GAS7: variants seen among roughly 807,000 people sequenced by gnomAD.
GAS7 encodes growth arrest specific 7.
In GAS7, 28 loss-of-function variants were observed where a neutral mutation model predicts 71.1. That is an observed-to-expected ratio of 0.39 (90% CI 0.29 to 0.54). The LOEUF is 0.54. Ranked by LOEUF, GAS7 falls within the 20% of genes least tolerant of loss-of-function variation. GAS7 has a pLI of 0.62. For missense variants in GAS7, 436 were observed against 627.8 expected (o/e 0.69, Z 3.27); for synonymous variants, 258 against 245.8 (o/e 1.05, Z -0.46).
chr17:9,965,014 A>G (rs1230403625), intron 4 of GAS7, among the ~76,000 whole-genome samples: 5 of 152,068 alleles, frequency 3.3e-5, no homozygotes, highest in Non-Finnish European at 7.4e-5. Flanking sequence ...GAAGTTCGTG[A>G]GAAGCCAGAA....
intron 1 of GAS7, among the ~76,000 whole-genome samples, chr17:10,179,581 T>C (rs1390351698): frequency 1.3e-5 from 2 of 152,142 alleles, no homozygotes; most frequent in South Asian, 2.1e-4. Context: ...ACTGAGACTA[T>C]GAACATGAAT....
chr17:10,180,952 C>T (rs958985144), intron 1 of GAS7, among the ~76,000 whole-genome samples: 1 of 151,542 alleles, frequency 6.6e-6, no homozygotes, highest in Admixed American at 6.6e-5. Context: ...GAGACCCAAT[C>T]CTTGAGCTCA....
intron 2 of GAS7, among the ~76,000 whole-genome samples, chr17:9,990,111 T>C (rs1044722706): frequency 2.6e-5 from 4 of 151,736 alleles, no homozygotes; most frequent in African/African-American, 7.3e-5. Context: ...CTACTAAAAA[T>C]ACAAAAAATT....
At chr17:10,047,627 A>T (rs2072998411) in intron 1 of GAS7, among the ~76,000 whole-genome samples, 1 of 152,236 alleles carries the variant, frequency 6.6e-6, no homozygotes. Flanking sequence ...AAACTGTCAG[A>T]ATGTAAGAAG....
At chr17:9,950,582 G>A (rs566708952) in intron 5 of GAS7, among the ~76,000 whole-genome samples, 9 of 152,198 alleles carry the variant, frequency 5.9e-5, no homozygotes, top group South Asian at 2.1e-4. Flanking sequence ...TTGTGGCAGC[G>A]TGTGGTGGCT....
At chr17:9,997,759 C>G (rs530182121) in intron 2 of GAS7, among the ~76,000 whole-genome samples, 4 of 152,384 alleles carry the variant, frequency 2.6e-5, no homozygotes, top group Admixed American at 6.5e-5. Context: ...ACTCCCTCCA[C>G]GGGTTCGATT....
chr17:10,171,816 TTGA>T (rs1408764342), intron 1 of GAS7, among the ~76,000 whole-genome samples: 1 of 152,176 alleles, frequency 6.6e-6, no homozygotes, highest in Non-Finnish European at 1.5e-5. Flanking sequence ...CGCCAGGCTG[TTGA>T]TAAGATTACA....
rs1323378852 is a variant in GAS7 at position 9,974,363 on chromosome 17, GTCCTGGGGGCTCCCGGCTC to G, written c.386-4620_386-4602del. On this transcript the variant is annotated intron_variant, in intron 3 of 13. Coordinates refer to ENST00000432992, the MANE Select transcript of GAS7 (RefSeq NM_201433.2). This position sits in a 1 kb window ranked among gnomAD's most constrained non-coding sequence, Gnocchi z 4.0. ...ACGGCATTCCTCATTGCTATTCCCT[GTCCTGGGGGCTCCCGGCTC>G]ACCCAGGGTCAGCCACAAAACAAAT... Among the ~76,000 whole-genome samples, 2 of 152,056 alleles carry G rather than the reference GTCCTGGGGGCTCCCGGCTC, an allele frequency of 1.3e-5. No homozygotes were observed. Among genetic ancestry groups the G allele is most frequent in the East Asian group, 3.9e-4 (2 of 5,186 alleles).
chr17:10,109,730 C>T (rs1352731063), intron 1 of GAS7, among the ~76,000 whole-genome samples: 1 of 152,096 alleles, frequency 6.6e-6, no homozygotes, highest in African/African-American at 2.4e-5. Flanking sequence ...ACCAGCCTGG[C>T]CAACATAGCA....
Position 10,115,242 on chromosome 17 carries a change from T to C in GAS7, c.183+82966A>G, listed in dbSNP as rs1476747779. ...AGAGCCTGGGCTGTTGCACAAGAGC[T>C]GAGTGAGTCACCAGCCAGCAGAGGG... On this transcript the variant is annotated intron_variant, in intron 1 of 13. Transcript: ENST00000432992. 2.0e-5 allele frequency among the ~76,000 whole-genome samples: 3 copies of C among 152,316 alleles called. No homozygotes were observed. The East Asian group carries it at 5.8e-4, about 29-fold the overall frequency.
chr17:10,009,277 C>G (rs1184528383), intron 2 of GAS7, among the ~76,000 whole-genome samples: 1 of 146,292 alleles, frequency 6.8e-6, no homozygotes, highest in Admixed American at 6.8e-5. Flanking sequence ...GCCGAGATCC[C>G]GCCACTGCAC....
chr17:9,963,137 ATTC>A (rs1447266377), intron 4 of GAS7, among the ~76,000 whole-genome samples: 1 of 152,160 alleles, frequency 6.6e-6, no homozygotes, highest in African/African-American at 2.4e-5. Context: ...ACGACAGAAT[ATTC>A]TTCTGTCATA....
intron 1 of GAS7, among the ~76,000 whole-genome samples, chr17:10,044,880 C>A (rs2072926209): frequency 6.6e-6 from 1 of 151,912 alleles, no homozygotes; most frequent in Non-Finnish European, 1.5e-5. Context: ...TGGTGAAACT[C>A]CATCTCTACT....
chr17:10,020,443 GGC>G (rs1462012492), intron 1 of GAS7, among the ~76,000 whole-genome samples: 1 of 152,176 alleles, frequency 6.6e-6, no homozygotes, highest in African/African-American at 2.4e-5. Flanking sequence ...AGATCACTCT[GGC>G]AAAAAGAACG....
chr17:10,119,497 C>T (rs1000467157), intron 1 of GAS7, among the ~76,000 whole-genome samples: 1 of 152,222 alleles, frequency 6.6e-6, no homozygotes, highest in Non-Finnish European at 1.5e-5. Context: ...CCAATCATGA[C>T]GAAACATGCT....
chr17:10,045,834 T>C (rs2072946344), intron 1 of GAS7, among the ~76,000 whole-genome samples: 1 of 152,222 alleles, frequency 6.6e-6, no homozygotes, highest in South Asian at 2.1e-4. Context: ...CTGTGACACC[T>C]TGTTCCATCC....
chr17:9,921,563 G>C (rs905959339), intron 11 of GAS7, among the ~76,000 whole-genome samples: 5 of 152,238 alleles, frequency 3.3e-5, no homozygotes, highest in Non-Finnish European at 7.3e-5. Context: ...TTGGGAAACA[G>C]AGTAGGTGAA....
intron 11 of GAS7, among the ~76,000 whole-genome samples, chr17:9,920,904 G>T (rs1191402533): frequency 1.3e-5 from 2 of 152,164 alleles, no homozygotes; most frequent in Non-Finnish European, 2.9e-5. Flanking sequence ...TCATCATTGT[G>T]GCTCATAGGT....
intron 1 of GAS7, among the ~76,000 whole-genome samples, chr17:10,092,500 C>T (rs1387476560): frequency 1.3e-5 from 2 of 152,220 alleles, no homozygotes; most frequent in Non-Finnish European, 2.9e-5. Context: ...CAGATGTTCC[C>T]TAAGGTTCAA....
Sources: allele counts gnomAD v4.1 joint callset (sites outside exome capture counted in the v4.1 genomes callset), GRCh38; gene constraint gnomAD v4.1.1; non-coding constraint Gnocchi (gnomAD v3.1); transcripts MANE v1.5; gene names NCBI Gene and HGNC (gene_info 2026-07-23, HGNC 2026-07-21).